The following CSN3 variants were observed in gnomAD, a reference collection of about 807,000 sequenced individuals.
CSN3 encodes the protein casein kappa, also known as kappa-casein.
Under a neutral mutation model 9.9 loss-of-function variants are expected in CSN3, and 7 were observed. The ratio of observed to expected loss-of-function variants is 0.71; its 90% CI spans 0.40 to 1.33. The LOEUF (loss-of-function observed/expected upper bound fraction) is 1.33, where lower values mean the gene tolerates loss of function less well. CSN3 is among the 40% of genes most tolerant of loss of function. The pLI is 0.01. For missense variants in CSN3, 253 were observed against 227.9 expected, an observed-to-expected ratio of 1.11 and a Z score of -0.71; for synonymous variants, 88 against 82.3, an observed-to-expected ratio of 1.07 and a Z score of -0.37.
In CSN3 at chr4:70,250,604, C is replaced by A. The variant is rs113458231; in HGVS notation, c.*35-658C>A. On this transcript the variant is annotated intron_variant, in intron 4 of 4. Transcript: ENST00000304954. The stretch of plus-strand genomic sequence containing the variant: ...CTAAGTCTCCACTAAATGATAAAAA[C>A]CGTACATAATTATGTCTGTTGATTC... Among the ~76,000 whole-genome samples, 90 of 152,126 alleles carry A rather than the reference C, an allele frequency of 5.9e-4. 2 individuals are homozygous for A. In the South Asian group the frequency reaches 0.014, roughly 23 times the overall value.
intron 2 of CSN3, 87 bp downstream of exon 2, chr4:70,244,960 TA>T: frequency 1.5e-6 from 1 of 657,512 alleles, no homozygotes; most frequent in Non-Finnish European, 2.5e-6. Flanking sequence ...TAAATACAAT[TA>T]TGCTTCATAG....
chr4:70,239,643 T>C (rs1470713393), upstream of CSN3, among the ~76,000 whole-genome samples: 1 of 151,950 alleles, frequency 6.6e-6, no homozygotes, highest in African/African-American at 2.4e-5. Flanking sequence ...ATAGTCTTTC[T>C]GTAAGTGTTC....
At chr4:70,247,066 T>C (rs2063747) in intron 2 of CSN3, among the ~76,000 whole-genome samples, 1 of 151,942 alleles carries the variant, frequency 6.6e-6, no homozygotes, top group South Asian at 2.1e-4. Flanking sequence ...ACCTTCTCAA[T>C]TTTCTGATTT....
chr4:70,246,377 A>G (rs1389450444), intron 2 of CSN3, among the ~76,000 whole-genome samples: 1 of 152,130 alleles, frequency 6.6e-6, no homozygotes. Flanking sequence ...GGCCACTGGT[A>G]TACAGATGTT....
chr4:70,246,028 T>A (rs1310160777), intron 2 of CSN3, among the ~76,000 whole-genome samples: 2 of 152,058 alleles, frequency 1.3e-5, no homozygotes, highest in Non-Finnish European at 2.9e-5. Flanking sequence ...TCCTTCCCAT[T>A]TTCACAAAGG....
At chr4:70,249,469 G>A (rs1457127056) in exon 4 of CSN3, 2 of 1,596,792 alleles carry the variant, frequency 1.3e-6, no homozygotes, top group East Asian at 2.2e-5. Flanking sequence ...AAAACACCAA[G>A]GAAATATCAA....
At chr4:70,239,970 T>C (rs1343976431), upstream of CSN3, among the ~76,000 whole-genome samples, 1 of 152,010 alleles carries the variant, frequency 6.6e-6, no homozygotes, top group Admixed American at 6.6e-5. Context: ...GAAAGCTGTG[T>C]TCATCATTTA....
At chr4:70,240,125 TAAAACA>T (rs1730242550), upstream of CSN3, among the ~76,000 whole-genome samples, 2 of 151,768 alleles carry the variant, frequency 1.3e-5, no homozygotes, top group Non-Finnish European at 2.9e-5. Flanking sequence ...CAAGGGAAGA[TAAAACA>T]GACATGAAGT....
At chr4:70,240,026 T>C (rs1578251423), upstream of CSN3, among the ~76,000 whole-genome samples, 1 of 151,922 alleles carries the variant, frequency 6.6e-6, no homozygotes, top group Non-Finnish European at 1.5e-5. Flanking sequence ...AAGAACAAAA[T>C]AGAGTGTTGA....
At chr4:70,249,525 C>A in intron 4 of CSN3, 32 bp downstream of exon 4, 2 of 1,219,216 alleles carry the variant, frequency 1.6e-6, no homozygotes, top group South Asian at 1.4e-5. Context: ...TGAGTAATTC[C>A]GACAAGAAGC....
chr4:70,244,942 CA>C (rs1730347960), intron 2 of CSN3, 69 bp downstream of exon 2: 15 of 830,224 alleles, frequency 1.8e-5, no homozygotes, highest in Non-Finnish European at 1.8e-6. Context: ...TTTAACTATG[CA>C]AACTTCTAAA....
chr4:70,242,828 T>G (rs1418139924), intron 1 of CSN3, among the ~76,000 whole-genome samples, 163 bp downstream of exon 1: 4 of 152,104 alleles, frequency 2.6e-5, no homozygotes, highest in Admixed American at 2.6e-4. Context: ...AAACCTAAGT[T>G]CTGGATGGTG....
At chr4:70,247,967 C>A in intron 3 of CSN3, 117 bp downstream of exon 3, 1 of 637,790 alleles carries the variant, frequency 1.6e-6, no homozygotes, top group East Asian at 3.2e-5. Context: ...TTCCATAAAA[C>A]AATCTAATAA....
chr4:70,248,296 G>A (rs1384979194), intron 3 of CSN3, among the ~76,000 whole-genome samples: 1 of 151,958 alleles, frequency 6.6e-6, no homozygotes, highest in African/African-American at 2.4e-5. Flanking sequence ...TCTCGTTTTA[G>A]GAGAAATGTT....
At chr4:70,241,256 A>G (rs1296218495), upstream of CSN3, among the ~76,000 whole-genome samples, 2 of 152,080 alleles carry the variant, frequency 1.3e-5, no homozygotes, top group Non-Finnish European at 2.9e-5. Context: ...TACTTTACCA[A>G]CTTGGTTTAG....
chr4:70,246,427 G>T (rs1036090457), intron 2 of CSN3, among the ~76,000 whole-genome samples: 4 of 151,896 alleles, frequency 2.6e-5, no homozygotes, highest in African/African-American at 9.7e-5. Context: ...TATCTTAATA[G>T]ATAACGATAA....
At chr4:70,247,827 G>T (rs764768811) in exon 3 of CSN3, 7 of 1,593,074 alleles carry the variant, frequency 4.4e-6, no homozygotes, top group African/African-American at 4.1e-5. Context: ...GGCTGTGGAG[G>T]TTCAAAACCA....
intron 2 of CSN3, among the ~76,000 whole-genome samples, chr4:70,245,718 TTTATTA>T (rs1461646900): frequency 8.5e-5 from 13 of 152,156 alleles, no homozygotes; most frequent in Admixed American, 7.9e-4. Context: ...GTAATATTTA[TTTATTA>T]TTAAGTTTAG....
chr4:70,242,872 G>T (rs983893976), intron 1 of CSN3, among the ~76,000 whole-genome samples: 1 of 151,984 alleles, frequency 6.6e-6, no homozygotes, highest in Non-Finnish European at 1.5e-5. Flanking sequence ...TTTACTTTGG[G>T]TTCCAGTCAA....
Sources: gnomAD v4.1 joint callset for allele counts (sites outside exome capture counted in the v4.1 genomes callset) on GRCh38, gnomAD v4.1.1 for gene constraint, MANE v1.5 for transcripts, NCBI Gene and HGNC (gene_info 2026-07-23, HGNC 2026-07-21) for gene names.